The following GABRA3 variants were observed in gnomAD, a reference collection of about 807,000 sequenced individuals.
GABRA3 encodes gamma-aminobutyric acid receptor subunit alpha-3.
A neutral mutation model predicts 30.1 loss-of-function variants in GABRA3; 10 were observed. The ratio of observed to expected loss-of-function variants is 0.33; its 90% CI spans 0.20 to 0.56. The LOEUF (loss-of-function observed/expected upper bound fraction) is 0.56, where lower values mean the gene tolerates loss of function less well. Among genes scored for constraint, GABRA3 ranks in the 20% least tolerant of loss-of-function variants. The pLI, the probability that GABRA3 is intolerant of heterozygous loss-of-function variation, is 0.89. For synonymous variants in GABRA3, 151 were observed against 146.8 expected, an observed-to-expected ratio of 1.03 and a Z score of -0.21; for missense variants, 233 against 392.0, an observed-to-expected ratio of 0.59 and a Z score of 3.42.
At chrX:152,171,942 T>C (rs1937008549) in intron 9 of GABRA3, among the ~76,000 whole-genome samples, 1 of 111,738 alleles carries the variant, frequency 8.9e-6, no homozygotes, top group African/African-American at 3.3e-5. Flanking sequence ...CTGTCAATTG[T>C]CTCTAAAGGT....
chrX:152,303,856 C>T (rs183447683), intron 3 of GABRA3, among the ~76,000 whole-genome samples: 20 of 110,761 alleles, frequency 1.8e-4, no homozygotes, highest in Non-Finnish European at 2.8e-4. Flanking sequence ...AAACACCTAA[C>T]GCATGTGGGG....
At chrX:152,237,630 A>G (rs1465884650) in intron 5 of GABRA3, among the ~76,000 whole-genome samples, 1 of 108,107 alleles carries the variant, frequency 9.3e-6, no homozygotes, top group East Asian at 2.9e-4. Flanking sequence ...ACCCATGAGC[A>G]TGGAATATTC....
chrX:152,431,730 G>A (rs1302869551), intron 1 of GABRA3, among the ~76,000 whole-genome samples: 1 of 111,703 alleles, frequency 9.0e-6, no homozygotes, highest in African/African-American at 3.3e-5. Context: ...AGTCAGAAGT[G>A]GGAGGCAGAA....
chrX:152,428,931 T>G (rs1930578118), intron 1 of GABRA3, among the ~76,000 whole-genome samples: 1 of 110,885 alleles, frequency 9.0e-6, no homozygotes, highest in African/African-American at 3.3e-5. Context: ...CCACTGAAAA[T>G]GAAGAATGCA....
chrX:152,436,081 T>C (rs1460375455), intron 1 of GABRA3, among the ~76,000 whole-genome samples: 1 of 111,600 alleles, frequency 9.0e-6, no homozygotes, highest in African/African-American at 3.3e-5. Flanking sequence ...GTAGTTAAGA[T>C]GTCATTTCTT....
intron 2 of GABRA3, among the ~76,000 whole-genome samples, chrX:152,355,601 T>A (rs774384015): frequency 1.8e-5 from 2 of 111,877 alleles, no homozygotes; most frequent in Non-Finnish European, 3.8e-5. Context: ...ACTTTATGAT[T>A]AGTCTCTGCA....
At chrX:152,345,837 C>T in intron 2 of GABRA3, 135 bp from the exon 3 acceptor site, 2 of 508,928 alleles carry the variant, frequency 3.9e-6, no homozygotes, top group Non-Finnish European at 6.0e-6. Context: ...TCCAAAATAG[C>T]AATCACTACA....
At chrX:152,328,522 C>A (rs1429891106) in intron 3 of GABRA3, among the ~76,000 whole-genome samples, 2 of 111,859 alleles carry the variant, frequency 1.8e-5, no homozygotes, top group Non-Finnish European at 3.8e-5. Flanking sequence ...AGCTTCATCC[C>A]AGGGATTCCA....
chrX:152,352,721 T>C (rs1452051474), intron 2 of GABRA3, among the ~76,000 whole-genome samples: 1 of 111,692 alleles, frequency 9.0e-6, no homozygotes, highest in Non-Finnish European at 1.9e-5. Context: ...CTGAGCATAT[T>C]ATGTCTCTGC....
intron 1 of GABRA3, among the ~76,000 whole-genome samples, chrX:152,365,623 A>T (rs1193629162): frequency 1.8e-5 from 2 of 111,902 alleles, no homozygotes; most frequent in Non-Finnish European, 3.8e-5. Context: ...CATATCAGTG[A>T]ATTAATTTTC....
chrX:152,224,737 C>G (rs200929171), intron 6 of GABRA3, 26 bp downstream of exon 6: 7 of 1,000,286 alleles, frequency 7.0e-6, no homozygotes, highest in Non-Finnish European at 9.6e-6. Flanking sequence ...AAAAAAAAGA[C>G]AGAGAGAGAG....
At chrX:152,422,227 G>C (rs1206754115) in intron 1 of GABRA3, among the ~76,000 whole-genome samples, 1 of 110,003 alleles carries the variant, frequency 9.1e-6, no homozygotes, top group Non-Finnish European at 1.9e-5. Flanking sequence ...AAAAATTAAT[G>C]AACTATAGCT....
Position 152,203,355 on chromosome X carries a change from G to T in GABRA3, c.778+4646C>A, listed in dbSNP as rs923465502. ...AAGTGGGTGGTAGGCCCTTAAACAA[G>T]AAATGCAATCCCAACAAAAGATAGT... On this transcript the variant is annotated intron_variant, in intron 7 of 9. Coordinates refer to ENST00000370314, the MANE Select transcript of GABRA3 (RefSeq NM_000808.4). Among the ~76,000 whole-genome samples the T allele has an allele frequency of 4.5e-5, 5 of 111,869 alleles. No individual in the cohort carries two copies. In the Admixed American group the frequency reaches 4.7e-4, roughly 11 times the overall value.
intron 8 of GABRA3, among the ~76,000 whole-genome samples, chrX:152,195,781 T>C (rs1259775478): frequency 8.9e-6 from 1 of 111,785 alleles, no homozygotes; most frequent in Non-Finnish European, 1.9e-5. Context: ...AATCTCTCCA[T>C]CTCAAGATCT....
chrX:152,429,812 G>C (rs189651716), intron 1 of GABRA3, among the ~76,000 whole-genome samples: 5 of 111,457 alleles, frequency 4.5e-5, no homozygotes, highest in Non-Finnish European at 9.4e-5. Flanking sequence ...ATACCAATGG[G>C]GGCCCTAGGT....
At chrX:152,276,112 AACACACAC>A (rs199686918) in intron 4 of GABRA3, among the ~76,000 whole-genome samples, 1 of 109,261 alleles carries the variant, frequency 9.2e-6, no homozygotes, top group Admixed American at 9.9e-5. Context: ...TTCATTATTA[AACACACAC>A]ACACACACAG....
At chrX:152,236,116 G>A (rs1412954371) in intron 5 of GABRA3, among the ~76,000 whole-genome samples, 1 of 90,289 alleles carries the variant, frequency 1.1e-5, no homozygotes, top group Admixed American at 1.2e-4. Flanking sequence ...CTAGCATTAG[G>A]TATATCTCCC....
At chrX:152,332,649 A>G (rs931209992) in intron 3 of GABRA3, among the ~76,000 whole-genome samples, 1 of 112,125 alleles carries the variant, frequency 8.9e-6, no homozygotes, top group Non-Finnish European at 1.9e-5. Context: ...ATGATTAGAC[A>G]GCTGGAACAA....
intron 5 of GABRA3, among the ~76,000 whole-genome samples, chrX:152,236,639 CA>C (rs1603220743): frequency 9.3e-6 from 1 of 108,042 alleles, no homozygotes; most frequent in Admixed American, 1.0e-4. Context: ...TATTTCTCCA[CA>C]TCTTGTCCAG....
Sources: allele counts gnomAD v4.1 joint callset (sites outside exome capture counted in the v4.1 genomes callset), GRCh38; gene constraint gnomAD v4.1.1; transcripts MANE v1.5; gene names NCBI Gene and HGNC (gene_info 2026-07-23, HGNC 2026-07-21).